AFF1: variants seen among roughly 807,000 people sequenced by gnomAD.
AFF1 encodes the protein ALF transcription elongation factor 1.
A neutral mutation model predicts 121.7 loss-of-function variants in AFF1; 48 were observed. That is an observed-to-expected ratio of 0.39 (90% CI 0.31 to 0.50). AFF1 has a LOEUF of 0.50. Ranked by LOEUF, AFF1 falls within the 20% of genes least tolerant of loss-of-function variation. The pLI is 0.76. For synonymous variants in AFF1, 613 were observed against 563.0 expected (o/e 1.09, Z -1.26); for missense variants, 1,523 against 1,511.7 (o/e 1.01, Z -0.12).
intron 8 of AFF1, among the ~76,000 whole-genome samples, chr4:87,096,783 A>G (rs531185398): frequency 1.3e-5 from 2 of 151,302 alleles, no homozygotes; most frequent in Admixed American, 6.6e-5. Flanking sequence ...ATGTTTTAAC[A>G]TATTTTTAGA....
chr4:86,971,362 T>A (rs561096746), intron 2 of AFF1, among the ~76,000 whole-genome samples: 1 of 152,346 alleles, frequency 6.6e-6, no homozygotes, highest in Admixed American at 6.5e-5. Context: ...TCAGTCTTCT[T>A]GCATGAAGAT....
chr4:87,106,171 T>C (rs1186262024), intron 10 of AFF1, among the ~76,000 whole-genome samples: 1 of 152,114 alleles, frequency 6.6e-6, no homozygotes, highest in African/African-American at 2.4e-5. Context: ...TCACTTGAGG[T>C]CAGGAGTTCG....
chr4:87,103,506 A>G (rs933722644), intron 8 of AFF1, among the ~76,000 whole-genome samples: 32 of 152,176 alleles, frequency 2.1e-4, no homozygotes, highest in Non-Finnish European at 4.0e-4. Flanking sequence ...AGCTTTTGCA[A>G]TCTTCCTTCA....
chr4:87,085,019 A>C (rs1015806221), intron 5 of AFF1, among the ~76,000 whole-genome samples: 5 of 152,246 alleles, frequency 3.3e-5, no homozygotes, highest in African/African-American at 9.6e-5. Flanking sequence ...AATAGTGGGA[A>C]GTAGATGGTC....
intron 2 of AFF1, among the ~76,000 whole-genome samples, chr4:86,981,039 G>A (rs570072070): frequency 6.7e-4 from 102 of 151,168 alleles, no homozygotes; most frequent in African/African-American, 2.3e-3. Context: ...TTGAGACGGG[G>A]TCTCGCTCTG....
rs1341532816 is a variant in AFF1 at position 87,134,709 on chromosome 4, T to C, written c.3535+15T>C. 1.3e-6 allele frequency: 2 copies of C among 1,595,332 alleles called. No homozygotes were observed. Among genetic ancestry groups the C allele is most frequent in the Non-Finnish European group, 1.7e-6 (2 of 1,164,952 alleles). ...GAAGAATAAAGGTAAATAAATGGCT[T>C]TGTGGTGGTAATTACTGGGGTGTTT... On this transcript the variant is annotated intron_variant, in intron 20 of 20. Coordinates refer to ENST00000395146, the MANE Select transcript of AFF1 (RefSeq NM_001166693.3).
At chr4:87,064,892 A>AAT (rs1553925447) in intron 4 of AFF1, among the ~76,000 whole-genome samples, 1 of 147,168 alleles carries the variant, frequency 6.8e-6, no homozygotes, top group Non-Finnish European at 1.5e-5. Flanking sequence ...AAAAAAAAAA[A>AAT]GCCGGGTGTT....
chr4:86,989,188 G>A (rs1381599185), intron 2 of AFF1, among the ~76,000 whole-genome samples: 1 of 152,194 alleles, frequency 6.6e-6, no homozygotes, highest in East Asian at 1.9e-4. Flanking sequence ...TTGACAAATA[G>A]GATGTAATTA....
At chr4:86,999,493 C>T (rs1383235893) in intron 2 of AFF1, among the ~76,000 whole-genome samples, 3 of 152,094 alleles carry the variant, frequency 2.0e-5, no homozygotes, top group Non-Finnish European at 4.4e-5. Flanking sequence ...TGTGTAGACA[C>T]AATGAGAAAA....
chr4:86,945,126 GATATA>G (rs1477656111), intron 1 of AFF1, among the ~76,000 whole-genome samples: 2 of 152,262 alleles, frequency 1.3e-5, no homozygotes, highest in East Asian at 3.9e-4. Flanking sequence ...TTAGCTAGGT[GATATA>G]ATATATGCTT....
At chr4:87,078,744 G>C (rs1722905270) in intron 4 of AFF1, among the ~76,000 whole-genome samples, 1 of 152,088 alleles carries the variant, frequency 6.6e-6, no homozygotes, top group African/African-American at 2.4e-5. Context: ...AATCCAAAAG[G>C]TGGTGACACA....
intron 2 of AFF1, among the ~76,000 whole-genome samples, chr4:86,993,062 A>G (rs1724852769): frequency 1.3e-5 from 2 of 152,246 alleles, no homozygotes; most frequent in African/African-American, 4.8e-5. Context: ...CCTGTTTTAC[A>G]TGTGACCTAG....
chr4:87,000,605 C>CTGTGTGTGTGTGTGTGTGTGTG (rs57615388), intron 2 of AFF1, among the ~76,000 whole-genome samples: 12 of 146,372 alleles, frequency 8.2e-5, no homozygotes, highest in South Asian at 2.2e-4. Flanking sequence ...AAAATAAACT[C>CTGTGTGTGTGTGTGTGTGTGTG]TGTGTGTGTG....
chr4:87,135,236 T>G (rs1278301530), intron 20 of AFF1, among the ~76,000 whole-genome samples: 1 of 152,216 alleles, frequency 6.6e-6, no homozygotes, highest in African/African-American at 2.4e-5. Flanking sequence ...ACTACTTACT[T>G]TCGACATAGA....
intron 7 of AFF1, 91 bp downstream of exon 7, chr4:87,091,920 A>G: frequency 1.2e-6 from 1 of 831,708 alleles, no homozygotes; most frequent in East Asian, 2.8e-5. Context: ...ATGCCCCAGC[A>G]GAGATGAGGC....
chr4:86,966,176 C>A (rs1484209734), intron 2 of AFF1, among the ~76,000 whole-genome samples: 1 of 151,752 alleles, frequency 6.6e-6, no homozygotes, highest in African/African-American at 2.4e-5. Context: ...ATACCCACAC[C>A]CTAAATGGAG....
At chr4:87,013,666 C>A (rs947721833) in intron 2 of AFF1, among the ~76,000 whole-genome samples, 7 of 135,368 alleles carry the variant, frequency 5.2e-5, no homozygotes, top group African/African-American at 8.2e-5. Context: ...AAGATCTTAC[C>A]TTTTTTTTTT....
intron 19 of AFF1, among the ~76,000 whole-genome samples, chr4:87,134,192 A>G (rs1256265192): frequency 6.6e-6 from 1 of 152,236 alleles, no homozygotes; most frequent in Non-Finnish European, 1.5e-5. Flanking sequence ...ACATACCTAC[A>G]TATGCATACA....
At chr4:87,035,518 G>A (rs1356311735) in intron 2 of AFF1, among the ~76,000 whole-genome samples, 2 of 151,620 alleles carry the variant, frequency 1.3e-5, no homozygotes, top group South Asian at 2.1e-4. Flanking sequence ...CGGAGATCGC[G>A]CCACTGCACT....
Sources: gnomAD v4.1 joint callset for allele counts (sites outside exome capture counted in the v4.1 genomes callset) on GRCh38, gnomAD v4.1.1 for gene constraint, MANE v1.5 for transcripts, NCBI Gene and HGNC (gene_info 2026-07-23, HGNC 2026-07-21) for gene names.